Variants in PLXNA4 observed in about 807,000 individuals in gnomAD.
PLXNA4 encodes plexin A4.
Under a neutral mutation model 191.8 loss-of-function variants are expected in PLXNA4, and 44 were observed. The ratio of observed to expected loss-of-function variants is 0.23; its 90% CI spans 0.18 to 0.29. PLXNA4 has a LOEUF of 0.29. PLXNA4 is among the 10% of genes least tolerant of loss of function. PLXNA4 has a pLI of 1.00. For missense variants in PLXNA4, 1,800 were observed against 2,488.8 expected, an observed-to-expected ratio of 0.72 and a Z score of 5.89; for synonymous variants, 1,082 against 1,009.5, an observed-to-expected ratio of 1.07 and a Z score of -1.36.
rs1170417964 is a variant in PLXNA4 at position 132,563,036 on chromosome 7, CCTT to C, written c.-87+13383_-87+13385del. Reference sequence around the variant, plus strand: ...TCTTTCTCTTCCTCTTTCTCCTCCTCCTTCTCTTCTTTCTCTGCCTCCTTCTCC... The same window carrying C: ...TCTTTCTCTTCCTCTTTCTCCTCCTCCTCTTCTTTCTCTGCCTCCTTCTCC... On this transcript the variant is annotated intron_variant, in intron 1 of 31. Coordinates refer to ENST00000321063, the MANE Select transcript of PLXNA4 (RefSeq NM_020911.2). 5.9e-3 allele frequency among the ~76,000 whole-genome samples: 645 copies of C among 109,074 alleles called. 24 individuals carry two copies. The highest frequency in any genetic ancestry group is 0.017 in the African/African-American group (459 of 27,328). 71.6% of individuals were successfully genotyped at this position (109,074 alleles called of 152,430 possible). A position where few individuals can be genotyped will look rare whatever the true frequency, so the allele number is the denominator to read the frequency against.
chr7:132,497,126 A>G (rs1338966469), intron 2 of PLXNA4, among the ~76,000 whole-genome samples: 1 of 151,702 alleles, frequency 6.6e-6, no homozygotes, highest in African/African-American at 2.4e-5. Context: ...ACGCACGCAC[A>G]CACACACACA....
chr7:132,411,277 A>G (rs1257953812), intron 3 of PLXNA4, among the ~76,000 whole-genome samples: 1 of 152,166 alleles, frequency 6.6e-6, no homozygotes, highest in Non-Finnish European at 1.5e-5. Context: ...ACATTTCCCC[A>G]GACTCTGAAC....
intron 3 of PLXNA4, among the ~76,000 whole-genome samples, chr7:132,386,766 A>G (rs1805163113): frequency 6.6e-6 from 1 of 152,224 alleles, no homozygotes; most frequent in Non-Finnish European, 1.5e-5. Flanking sequence ...CGAGAGCCTC[A>G]GCAGGGATCA....
At chr7:132,180,158 T>A (rs927285366) in intron 19 of PLXNA4, among the ~76,000 whole-genome samples, 3 of 152,150 alleles carry the variant, frequency 2.0e-5, no homozygotes, top group African/African-American at 7.2e-5. Context: ...AGTTTTGTCA[T>A]CTTCATAAGA....
intron 3 of PLXNA4, among the ~76,000 whole-genome samples, chr7:132,340,097 ATTC>A (rs1563044996): frequency 3.9e-5 from 6 of 152,186 alleles, no homozygotes; most frequent in African/African-American, 1.4e-4. Flanking sequence ...TCTAGGTCTC[ATTC>A]ACAATCTTTG....
chr7:132,426,830 T>G (rs1056757102), intron 3 of PLXNA4, among the ~76,000 whole-genome samples: 1 of 152,178 alleles, frequency 6.6e-6, no homozygotes. Flanking sequence ...TAAATTCACA[T>G]GTCGTCTCAT....
At position 132,349,743 on chromosome 7, in the gene PLXNA4, G is replaced by A. The variant is rs570995919; in HGVS notation, c.1372-51521C>T. Among the ~76,000 whole-genome samples the A allele has an allele frequency of 2.0e-5, 3 of 152,152 alleles. No individual in the cohort carries two copies. The East Asian group carries it at 5.8e-4, about 29-fold the overall frequency. On this transcript the variant is annotated intron_variant, in intron 3 of 31. Transcript: ENST00000321063. Reference sequence around the variant, plus strand: ...TGATAACCCCTCTTATATTGAGGATGGGTATCCTGTTGCTTTTCACCCCTT... The same window carrying A: ...TGATAACCCCTCTTATATTGAGGATAGGTATCCTGTTGCTTTTCACCCCTT...
chr7:132,584,031 T>C (rs1008745451), intron 2 of PLXNA4, among the ~76,000 whole-genome samples: 18 of 152,198 alleles, frequency 1.2e-4, no homozygotes, highest in African/African-American at 4.1e-4. Flanking sequence ...CTTTTGATTT[T>C]GTGGAGAGCT....
chr7:132,633,128 G>A (rs1034944673), intron 2 of PLXNA4, among the ~76,000 whole-genome samples: 1 of 152,132 alleles, frequency 6.6e-6, no homozygotes. Flanking sequence ...TGTAGGGGGA[G>A]GTGGGCGAAG....
chr7:132,469,135 A>G (rs911056196), intron 3 of PLXNA4, among the ~76,000 whole-genome samples: 6 of 148,382 alleles, frequency 4.0e-5, no homozygotes, highest in South Asian at 4.3e-4. Flanking sequence ...AAAAAAAAAA[A>G]AAAAGAAAGA....
chr7:132,520,236 A>G (rs1316929008), intron 1 of PLXNA4, among the ~76,000 whole-genome samples: 1 of 152,202 alleles, frequency 6.6e-6, no homozygotes, highest in Non-Finnish European at 1.5e-5. Context: ...CTGCCCTCAG[A>G]GAACTCAGGA....
At position 132,323,016 on chromosome 7, in the gene PLXNA4, A is replaced by G. The variant is rs576283110; in HGVS notation, c.1372-24794T>C. Among the ~76,000 whole-genome samples, 5 of 152,314 alleles carry G rather than the reference A, an allele frequency of 3.3e-5. No homozygotes were observed. In the East Asian group the frequency reaches 9.7e-4, roughly 29 times the overall value. On this transcript the variant is annotated intron_variant, in intron 3 of 31. Transcript: ENST00000321063. ...GGGAGGGGTGGTGCACATTTGTATC[A>G]GTGTATTCTCCTTTAGCACAGATGA...
At chr7:132,276,164 A>G (rs12668126) in intron 4 of PLXNA4, among the ~76,000 whole-genome samples, 99,067 of 152,106 alleles carry the variant, frequency 0.65, 34,262 homozygotes, top group African/African-American at 0.89. Flanking sequence ...TGTAAGCTAC[A>G]TAAATGCATG....
At chr7:132,229,795 G>C (rs1247447842) in intron 5 of PLXNA4, among the ~76,000 whole-genome samples, 1 of 151,978 alleles carries the variant, frequency 6.6e-6, no homozygotes, top group Admixed American at 6.6e-5. Context: ...AAGCAGACAG[G>C]TGTGGTGTGG....
At chr7:132,609,924 T>C (rs934866240) in intron 2 of PLXNA4, among the ~76,000 whole-genome samples, 4 of 152,184 alleles carry the variant, frequency 2.6e-5, no homozygotes, top group Non-Finnish European at 5.9e-5. Context: ...GCCCATTTTT[T>C]CCCATTTCTC....
chr7:132,124,460 T>C lies in PLXNA4; in HGVS notation c.*6019A>G, dbSNP rs1030858798. On this transcript the variant is annotated 3_prime_UTR_variant, in exon 32 of 32. Transcript: ENST00000321063. Reference sequence around the variant, plus strand: ...TGGGTTGCTCTTTAACTGTATCCTCTGTTTTAAATTCTACTTTTGTAAGGG... The same window carrying C: ...TGGGTTGCTCTTTAACTGTATCCTCCGTTTTAAATTCTACTTTTGTAAGGG... 2 of 152,246 alleles carry C rather than the reference T, an allele frequency of 1.3e-5. No homozygotes were observed. Among genetic ancestry groups the C allele is most frequent in the African/African-American group, 2.4e-5 (1 of 41,474 alleles). 9.4% of individuals were successfully genotyped at this position (152,246 alleles called of 1,614,324 possible).
chr7:132,449,017 T>TTTGAA (rs1796015840), intron 3 of PLXNA4, among the ~76,000 whole-genome samples: 1 of 135,746 alleles, frequency 7.4e-6, no homozygotes, highest in Non-Finnish European at 1.5e-5. Context: ...ATTGAATCAC[T>TTTGAA]TTGAATTGAA....
intron 4 of PLXNA4, among the ~76,000 whole-genome samples, chr7:132,258,820 G>C (rs1384158542): frequency 2.0e-5 from 3 of 152,188 alleles, no homozygotes; most frequent in Admixed American, 6.5e-5. Flanking sequence ...TAAAAACTTA[G>C]TTGCCTAATC....
intron 2 of PLXNA4, among the ~76,000 whole-genome samples, chr7:132,598,092 G>T (rs529738227): frequency 6.6e-6 from 1 of 151,990 alleles, no homozygotes; most frequent in Non-Finnish European, 1.5e-5. Flanking sequence ...GAATGTCTAC[G>T]ACAAAATATA....
Sources: allele counts gnomAD v4.1 joint callset (sites outside exome capture counted in the v4.1 genomes callset), GRCh38; gene constraint gnomAD v4.1.1; transcripts MANE v1.5; gene names NCBI Gene and HGNC (gene_info 2026-07-23, HGNC 2026-07-21).